PMPCB: variants seen among roughly 807,000 people sequenced by gnomAD.
PMPCB encodes the protein mitochondrial-processing peptidase subunit beta.
In PMPCB, 46 loss-of-function variants were observed where a neutral mutation model predicts 61.5. The ratio of observed to expected loss-of-function variants is 0.75; its 90% CI spans 0.59 to 0.96. PMPCB has a LOEUF of 0.96. Among genes scored for constraint, PMPCB ranks in the 40% least tolerant of loss-of-function variants. The pLI, the probability that PMPCB is intolerant of heterozygous loss-of-function variation, is 0.00. For missense variants in PMPCB, 590 were observed against 602.4 expected, an observed-to-expected ratio of 0.98 and a Z score of 0.22; for synonymous variants, 191 against 201.6, an observed-to-expected ratio of 0.95 and a Z score of 0.44.
At chr7:103,311,552 T>C in intron 9 of PMPCB, 91 bp from the exon 10 acceptor site, 1 of 833,038 alleles carries the variant, frequency 1.2e-6, no homozygotes, top group Non-Finnish European at 2.0e-6. Context: ...CACCTGTATG[T>C]TTTGTGTAGA....
At chr7:103,327,880 A>G in intron 12 of PMPCB, 1 of 566,208 alleles carries the variant, frequency 1.8e-6, no homozygotes, top group African/African-American at 1.9e-5. Flanking sequence ...AGTAAAATAT[A>G]TGCTTATTCA....
At chr7:103,342,366 C>T in the PMPCB span, among the ~76,000 whole-genome samples, 3 of 150,712 alleles carry the variant, frequency 2.0e-5, no homozygotes, top group South Asian at 2.1e-4. Context: ...AATGCAATGG[C>T]GAGATCTCGG....
intron 1 of PMPCB, 193 bp downstream of exon 1, chr7:103,297,751 C>T: frequency 6.5e-7 from 1 of 1,533,784 alleles, no homozygotes; most frequent in Non-Finnish European, 8.7e-7. Context: ...CGCCAGGAGA[C>T]CTGCTAGTGA....
chr7:103,297,758 G>A (rs751006491), intron 1 of PMPCB, 200 bp downstream of exon 1: 3 of 1,533,448 alleles, frequency 2.0e-6, no homozygotes, highest in Non-Finnish European at 2.6e-6. Context: ...AGACCTGCTA[G>A]TGACGTGTGG....
chr7:103,335,822 G>C, the PMPCB span: 6 of 152,410 alleles, frequency 3.9e-5, no homozygotes, highest in African/African-American at 1.4e-4. Flanking sequence ...TGGGATTACA[G>C]GTGTGACCCA....
intron 12 of PMPCB, among the ~76,000 whole-genome samples, chr7:103,321,089 T>C (rs1818380260): frequency 6.6e-6 from 1 of 151,602 alleles, no homozygotes; most frequent in Admixed American, 6.6e-5. Context: ...TCCCAGCTAC[T>C]TGGGTGGCCA....
At chr7:103,298,105 A>G (rs2115601034) in intron 1 of PMPCB, among the ~76,000 whole-genome samples, 1 of 151,662 alleles carries the variant, frequency 6.6e-6, no homozygotes, top group Non-Finnish European at 1.5e-5. Flanking sequence ...TTGAACATCG[A>G]CCCATCTTCC....
At chr7:103,338,299 T>G in the PMPCB span, among the ~76,000 whole-genome samples, 1 of 150,292 alleles carries the variant, frequency 6.7e-6, no homozygotes, top group Non-Finnish European at 1.5e-5. Flanking sequence ...ATTTTAAGAT[T>G]TTATTTTATT....
At position 103,313,370 on chromosome 7, in the gene PMPCB, A is replaced by T. The variant is rs991978184; in HGVS notation, c.*1099A>T. On this transcript the variant is annotated 3_prime_UTR_variant, in exon 13 of 13. Transcript: ENST00000249269. ...TTGTACTGTTTATCTCTTAAAAATC[A>T]ATGTAATACACTCACCAGACTGGTA... The T allele has an allele frequency of 8.9e-7, 1 of 1,125,658 alleles. No homozygotes were observed. The highest frequency in any genetic ancestry group is 1.1e-6 in the Non-Finnish European group (1 of 921,712). The allele number at this position is 1,125,658 out of a possible 1,614,324, so 69.7% of individuals were successfully genotyped here. A position where few individuals can be genotyped will look rare whatever the true frequency, so the allele number is the denominator to read the frequency against.
the PMPCB span, among the ~76,000 whole-genome samples, chr7:103,340,285 C>T: frequency 0.048 from 7,371 of 152,256 alleles, 239 homozygotes; most frequent in African/African-American, 0.081. Context: ...GTTTTTCCTC[C>T]TCTTCCTACC....
chr7:103,337,751 G>T, the PMPCB span: 1 of 1,613,376 alleles, frequency 6.2e-7, no homozygotes, highest in Non-Finnish European at 8.5e-7. Context: ...GCTTTGATCT[G>T]TCTCTGTGTA....
At chr7:103,342,925 T>C in the PMPCB span, among the ~76,000 whole-genome samples, 5 of 151,840 alleles carry the variant, frequency 3.3e-5, no homozygotes, top group South Asian at 2.1e-4. Context: ...ATAATTTTAA[T>C]AAAGTAATAA....
At position 103,314,591 on chromosome 7, in the gene PMPCB, G is replaced by C; in HGVS notation, c.*2320G>C. On this transcript the variant is annotated 3_prime_UTR_variant, in exon 13 of 13. Transcript: ENST00000249269. Reference sequence around the variant, plus strand: ...ATTTTGTGGAGATAAAGGTGCAGGAGAATAAACTCCTTTATAAAGAAGTGT... The same window carrying C: ...ATTTTGTGGAGATAAAGGTGCAGGACAATAAACTCCTTTATAAAGAAGTGT... The C allele has an allele frequency of 1.0e-6, 1 of 985,198 alleles. No homozygotes were observed. The highest frequency in any genetic ancestry group is 1.2e-6 in the Non-Finnish European group (1 of 829,780). 61.0% of individuals were successfully genotyped at this position (985,198 alleles called of 1,614,324 possible).
the PMPCB span, among the ~76,000 whole-genome samples, chr7:103,345,697 C>T: frequency 6.6e-6 from 1 of 151,448 alleles, no homozygotes; most frequent in Non-Finnish European, 1.5e-5. Flanking sequence ...CTCAAGGGAT[C>T]CTCCTGCCTC....
At chr7:103,344,777 CGGGAT>C in the PMPCB span, 1 of 688,392 alleles carries the variant, frequency 1.5e-6, no homozygotes, top group African/African-American at 1.8e-5. Context: ...TAAGCACTTC[CGGGAT>C]GGATCTTTCG....
intron 1 of PMPCB, 112 bp from the exon 2 acceptor site, chr7:103,298,456 A>T: frequency 9.1e-7 from 1 of 1,098,668 alleles, no homozygotes; most frequent in Non-Finnish European, 1.3e-6. Context: ...AAGAAGAAAG[A>T]TTCTTTTATA....
downstream of PMPCB, among the ~76,000 whole-genome samples, chr7:103,331,725 C>T (rs189549663): frequency 1.9e-3 from 293 of 152,218 alleles, 2 homozygotes; most frequent in Admixed American, 0.015. Context: ...CCATTGTATA[C>T]ATATACTTTT....
In PMPCB at chr7:103,311,848, A is replaced by G; in HGVS notation, c.1281A>G (p.Leu427=). 6.2e-7 allele frequency: 1 copy of G among 1,613,436 alleles called. No homozygotes were observed. Among genetic ancestry groups the G allele is most frequent in the South Asian group, 1.1e-5 (1 of 90,992 alleles). Residue 427 remains leucine (L), a synonymous_variant, in exon 11 of 13, where the codon TTA becomes TTG. Coordinates refer to ENST00000249269, the MANE Select transcript of PMPCB (RefSeq NM_004279.3). ...PICEDIGRQM[L]CYNRRIPIPE... ...GTGAAGATATTGGTAGGCAAATGTT[A>G]TGCTATAATAGAAGGATTCCCATCC...
intron 9 of PMPCB, 72 bp from the exon 10 acceptor site, chr7:103,311,568 GCAT>G: frequency 2.1e-6 from 2 of 966,592 alleles, no homozygotes; most frequent in South Asian, 2.9e-5. Flanking sequence ...GTAGAAGATG[GCAT>G]CATCATTCTT....
Sources: gnomAD v4.1 joint callset for allele counts (sites outside exome capture counted in the v4.1 genomes callset) on GRCh38, gnomAD v4.1.1 for gene constraint, MANE v1.5 for transcripts, NCBI Gene and HGNC (gene_info 2026-07-23, HGNC 2026-07-21) for gene names.